SLC4A1AP: variants seen among roughly 807,000 people sequenced by gnomAD.
The protein encoded by SLC4A1AP is kanadaptin.
A neutral mutation model predicts 89.7 loss-of-function variants in SLC4A1AP; 64 were observed. That is an observed-to-expected ratio of 0.71 (90% CI 0.58 to 0.88). SLC4A1AP has a LOEUF of 0.88. Among genes scored for constraint, SLC4A1AP ranks in the 40% least tolerant of loss-of-function variants. SLC4A1AP has a pLI of 0.00. For missense variants in SLC4A1AP, 931 were observed against 965.0 expected (o/e 0.96, Z 0.47); for synonymous variants, 366 against 353.3 (o/e 1.04, Z -0.40).
Position 27,670,927 on chromosome 2 carries a change from T to C in SLC4A1AP, c.1345+1540T>C, listed in dbSNP as rs545466764. Among the ~76,000 whole-genome samples, 232 of 138,862 alleles carry C rather than the reference T, an allele frequency of 1.7e-3. 2 individuals carry two copies. The highest frequency in any genetic ancestry group is 5.2e-3 in the African/African-American group (178 of 34,296). 91.1% of individuals were successfully genotyped at this position (138,862 alleles called of 152,430 possible). ...ACCTGTATTTCTTTTCTTTTCTTTT[T>C]TTTTTTTTTTTTTTGAGATGGAGTC... On this transcript the variant is annotated intron_variant, in intron 5 of 13. Coordinates refer to ENST00000613058, the Ensembl canonical transcript of SLC4A1AP.
chr2:27,684,835 T>C (rs1256232826), intron 9 of SLC4A1AP, among the ~76,000 whole-genome samples: 1 of 152,216 alleles, frequency 6.6e-6, no homozygotes, highest in East Asian at 1.9e-4. Context: ...TCTTTGACTC[T>C]AGGAACTAAT....
intron 8 of SLC4A1AP, among the ~76,000 whole-genome samples, chr2:27,679,331 T>C (rs1052447300): frequency 2.0e-5 from 3 of 152,196 alleles, no homozygotes; most frequent in Non-Finnish European, 2.9e-5. Context: ...GGCCAGGTGC[T>C]GCGGCTTACG....
intron 8 of SLC4A1AP, among the ~76,000 whole-genome samples, chr2:27,681,378 G>T (rs1020572015): frequency 4.6e-5 from 7 of 152,292 alleles, no homozygotes; most frequent in Admixed American, 4.6e-4. Context: ...AGCAAGTGGG[G>T]CTTCAGGGAG....
At chr2:27,684,036 C>G (rs1323035598) in intron 9 of SLC4A1AP, among the ~76,000 whole-genome samples, 2 of 152,090 alleles carry the variant, frequency 1.3e-5, no homozygotes, top group African/African-American at 2.4e-5. Context: ...AACAAGTAGG[C>G]TTTTCAATCT....
At chr2:27,670,513 C>T (rs927765952) in intron 5 of SLC4A1AP, among the ~76,000 whole-genome samples, 2 of 152,110 alleles carry the variant, frequency 1.3e-5, no homozygotes, top group Non-Finnish European at 2.9e-5. Flanking sequence ...CAGTCTTCTT[C>T]CCTAAAGGCT....
chr2:27,685,450 T>C (rs960178953), intron 10 of SLC4A1AP, among the ~76,000 whole-genome samples, 173 bp downstream of exon 10: 2 of 152,234 alleles, frequency 1.3e-5, no homozygotes, highest in Middle Eastern at 3.2e-3. Flanking sequence ...CCGCCAGTCA[T>C]TATTTGTCTT....
At chr2:27,678,474 A>G (rs534867646) in intron 8 of SLC4A1AP, among the ~76,000 whole-genome samples, 1 of 152,200 alleles carries the variant, frequency 6.6e-6, no homozygotes, top group South Asian at 2.1e-4. Context: ...TCCAGGCTAC[A>G]GTGAGCTGTG....
chr2:27,677,754 A>G (rs1363194386), exon 8 of SLC4A1AP: 2 of 1,604,822 alleles, frequency 1.2e-6, no homozygotes, highest in Non-Finnish European at 1.7e-6. Flanking sequence ...CAGAGTCTCC[A>G]TCTCAGGATT....
intron 9 of SLC4A1AP, 138 bp downstream of exon 9, chr2:27,682,497 T>TC: frequency 1.9e-6 from 1 of 514,250 alleles, no homozygotes; most frequent in East Asian, 3.6e-5. Context: ...TATGATCACA[T>TC]CTTTCCCAGA....
chr2:27,683,882 C>T (rs866044609), intron 9 of SLC4A1AP, among the ~76,000 whole-genome samples: 87 of 152,024 alleles, frequency 5.7e-4, no homozygotes, highest in African/African-American at 1.9e-3. Flanking sequence ...ATTACAGGCA[C>T]CCACCACCAC....
At chr2:27,674,443 A>G (rs1336507944) in intron 5 of SLC4A1AP, among the ~76,000 whole-genome samples, 2 of 152,224 alleles carry the variant, frequency 1.3e-5, no homozygotes, top group Non-Finnish European at 2.9e-5. Context: ...TGCTGGATCA[A>G]TGCATTTTTA....
intron 10 of SLC4A1AP, 100 bp downstream of exon 10, chr2:27,685,377 CT>C: frequency 6.8e-7 from 1 of 1,463,392 alleles, no homozygotes; most frequent in Non-Finnish European, 9.2e-7. Context: ...GTGCATTTGA[CT>C]TTGTATGTGA....
intron 12 of SLC4A1AP, 113 bp from the exon 13 acceptor site, chr2:27,693,572 C>A: frequency 1.4e-6 from 1 of 690,810 alleles, no homozygotes; most frequent in Non-Finnish European, 2.4e-6. Flanking sequence ...AAATTCTTGA[C>A]TAATGTTTAT....
chr2:27,671,018 G>C (rs969014344), intron 5 of SLC4A1AP, among the ~76,000 whole-genome samples: 7 of 150,086 alleles, frequency 4.7e-5, no homozygotes, highest in African/African-American at 1.7e-4. Context: ...CTGCTTCTCG[G>C]GTTCAAGTGA....
chr2:27,671,957 A>G (rs1271982010), intron 5 of SLC4A1AP, among the ~76,000 whole-genome samples: 1 of 152,246 alleles, frequency 6.6e-6, no homozygotes, highest in Non-Finnish European at 1.5e-5. Flanking sequence ...TGGGAATACA[A>G]TTCTAAGTTG....
At chr2:27,669,055 T>C (rs1214331857) in intron 4 of SLC4A1AP, 152 bp downstream of exon 4, 1 of 997,272 alleles carries the variant, frequency 1.0e-6, no homozygotes, top group African/African-American at 1.6e-5. Flanking sequence ...CCTTATATTA[T>C]TGGAGAGTGG....
intron 3 of SLC4A1AP, among the ~76,000 whole-genome samples, 191 bp downstream of exon 3, chr2:27,667,581 G>C (rs1675351821): frequency 6.6e-6 from 1 of 151,942 alleles, no homozygotes; most frequent in Non-Finnish European, 1.5e-5. Context: ...TGGCAGAGGG[G>C]AAAAAAATCA....
Position 27,690,724 on chromosome 2 carries a change from A to C in SLC4A1AP, c.2271+1957A>C, listed in dbSNP as rs181320364. ...GGCTGGTCTCAAACTCCTAGCTTCA[A>C]ATGATCCTGGGATGCTGACTTTTAT... On this transcript the variant is annotated intron_variant, in intron 12 of 13. Coordinates refer to ENST00000613058, the Ensembl canonical transcript of SLC4A1AP. Among the ~76,000 whole-genome samples, 16 of 152,146 alleles carry C rather than the reference A, an allele frequency of 1.1e-4. No homozygotes were observed. The East Asian group carries it at 3.1e-3, about 29-fold the overall frequency.
chr2:27,674,024 G>C (rs999827204), intron 5 of SLC4A1AP, among the ~76,000 whole-genome samples: 6 of 151,108 alleles, frequency 4.0e-5, no homozygotes, highest in African/African-American at 1.5e-4. Context: ...GTGTGTGTGT[G>C]TGTGTGTCTG....
Sources: allele counts gnomAD v4.1 joint callset (sites outside exome capture counted in the v4.1 genomes callset), GRCh38; gene constraint gnomAD v4.1.1; transcripts MANE v1.5; gene names NCBI Gene and HGNC (gene_info 2026-07-23, HGNC 2026-07-21).